The following SH3PXD2B variants were observed in gnomAD, a reference collection of about 807,000 sequenced individuals.
SH3PXD2B encodes SH3 and PX domains 2B.
In SH3PXD2B, 37 loss-of-function variants were observed where a neutral mutation model predicts 73.1. That is an observed-to-expected ratio of 0.51 (90% CI 0.39 to 0.67). The LOEUF is 0.67. Ranked by LOEUF, SH3PXD2B falls within the 30% of genes least tolerant of loss-of-function variation. The pLI, the probability that SH3PXD2B is intolerant of heterozygous loss-of-function variation, is 0.00. For missense variants in SH3PXD2B, 1,053 were observed against 1,197.8 expected, an observed-to-expected ratio of 0.88 and a Z score of 1.78; for synonymous variants, 457 against 480.5, an observed-to-expected ratio of 0.95 and a Z score of 0.64.
At chr5:172,358,689 A>G (rs1757332968) in intron 8 of SH3PXD2B, 84 bp downstream of exon 8, 2 of 1,249,180 alleles carry the variant, frequency 1.6e-6, no homozygotes, top group Non-Finnish European at 2.3e-6. Flanking sequence ...GGCCAAAAGA[A>G]GAGATTGGAT....
At chr5:172,406,811 A>G (rs1303153478) in intron 2 of SH3PXD2B, among the ~76,000 whole-genome samples, 1 of 152,214 alleles carries the variant, frequency 6.6e-6, no homozygotes, top group Admixed American at 6.5e-5. Context: ...GGTCGGCTCA[A>G]CAGATAGCTT....
In SH3PXD2B at chr5:172,404,487, T is replaced by C. The variant is rs566301342; in HGVS notation, c.232+1790A>G. Among the ~76,000 whole-genome samples the C allele has an allele frequency of 7.2e-5, 11 of 152,264 alleles. No individual in the cohort carries two copies. The East Asian group carries it at 1.7e-3, about 24-fold the overall frequency. On this transcript the variant is annotated intron_variant, in intron 3 of 12. Transcript: ENST00000311601. Reference sequence around the variant, plus strand: ...TTATATTTTTAGTAGAGAAGGGGTTTTGCCATGTTGGCCAGCCTGGTCTCA... The same window carrying C: ...TTATATTTTTAGTAGAGAAGGGGTTCTGCCATGTTGGCCAGCCTGGTCTCA...
chr5:172,363,876 T>A (rs1403412961), intron 6 of SH3PXD2B, among the ~76,000 whole-genome samples: 5 of 152,188 alleles, frequency 3.3e-5, no homozygotes, highest in African/African-American at 1.2e-4. Flanking sequence ...AAGAGTTACA[T>A]CTTTAAAAAG....
Position 172,422,419 on chromosome 5 carries a change from G to A in SH3PXD2B, c.153C>T (p.Leu51=). The part of the protein sequence containing the change: ...IYRRYSKFFD[L]QMQMLDKFPM... ...ACCAGAGACCTCAAATCCTTACCTG[G>A]AGGTCAAAAAACTTGCTGTAGCGCC... The change falls in exon 2 of 13, where the codon CTC becomes CTT. Residue 51 remains leucine, a synonymous_variant. Transcript: ENST00000311601. 6.2e-7 allele frequency: 1 copy of A among 1,608,804 alleles called. No homozygotes were observed. Among genetic ancestry groups the A allele is most frequent in the Middle Eastern group, 1.7e-4 (1 of 6,056 alleles).
chr5:172,435,062 G>C lies in SH3PXD2B; in HGVS notation c.76-12566C>G, dbSNP rs558679574. Among the ~76,000 whole-genome samples, 144 of 152,286 alleles carry C rather than the reference G, an allele frequency of 9.5e-4. 2 individuals are homozygous for C. Among genetic ancestry groups the C allele is most frequent in the Non-Finnish European group, 1.4e-3 (93 of 68,024 alleles). On this transcript the variant is annotated intron_variant, in intron 1 of 12. Transcript: ENST00000311601. The stretch of plus-strand genomic sequence containing the variant: ...GGCTTCCCAAAGTGCTGGGATTACA[G>C]ACGTGAGCCACCACACACAGCAGGT...
intron 1 of SH3PXD2B, among the ~76,000 whole-genome samples, chr5:172,452,965 G>A (rs914165443): frequency 9.2e-5 from 14 of 152,158 alleles, no homozygotes; most frequent in African/African-American, 3.4e-4. Context: ...CCTGGCTAAG[G>A]GCTGAATAAC....
At chr5:172,325,973 G>C (rs1384142701) in intron 12 of SH3PXD2B, among the ~76,000 whole-genome samples, 1 of 152,174 alleles carries the variant, frequency 6.6e-6, no homozygotes, top group Non-Finnish European at 1.5e-5. Context: ...TTTTAGTAGA[G>C]ACAGGGTTTC....
At chr5:172,380,896 C>G (rs377319453) in intron 5 of SH3PXD2B, among the ~76,000 whole-genome samples, 3 of 152,342 alleles carry the variant, frequency 2.0e-5, no homozygotes, top group Non-Finnish European at 4.4e-5. Context: ...GTCTACTCAT[C>G]TGTGTGCTAG....
At chr5:172,362,147 A>G (rs1290479460) in intron 7 of SH3PXD2B, among the ~76,000 whole-genome samples, 1 of 152,202 alleles carries the variant, frequency 6.6e-6, no homozygotes, top group Non-Finnish European at 1.5e-5. Context: ...TAATCTTTAC[A>G]ATCACTCTTA....
intron 1 of SH3PXD2B, among the ~76,000 whole-genome samples, chr5:172,449,648 C>A (rs1227034208): frequency 6.6e-6 from 1 of 152,238 alleles, no homozygotes; most frequent in East Asian, 1.9e-4. Context: ...AGCTGCTCAA[C>A]CTCACTGGTG....
chr5:172,425,164 C>A (rs925865922), intron 1 of SH3PXD2B, among the ~76,000 whole-genome samples: 1 of 152,038 alleles, frequency 6.6e-6, no homozygotes, highest in African/African-American at 2.4e-5. Context: ...AGCTTTCCAC[C>A]CTGCTTCACC....
chr5:172,450,906 C>G (rs1004592187), intron 1 of SH3PXD2B, among the ~76,000 whole-genome samples: 8 of 152,212 alleles, frequency 5.3e-5, no homozygotes, highest in Non-Finnish European at 1.0e-4. Context: ...ATCTTCATCT[C>G]CCTGCTTCCA....
chr5:172,346,063 A>C lies in SH3PXD2B; in HGVS notation c.1188+73T>G, dbSNP rs1030056438. 1.9e-6 allele frequency: 3 copies of C among 1,608,882 alleles called. No homozygotes were observed. The Admixed American group carries it at 5.0e-5, about 27-fold the overall frequency. Reference sequence around the variant, plus strand: ...CACCCACCCAGTGAAGTAGGAGGTGACAGGGGAGAAGTAGGAGGTGATGCC... The same window carrying C: ...CACCCACCCAGTGAAGTAGGAGGTGCCAGGGGAGAAGTAGGAGGTGATGCC... On this transcript the variant is annotated intron_variant, in intron 12 of 12. Transcript: ENST00000311601.
chr5:172,414,785 C>T (rs754106019), intron 2 of SH3PXD2B, among the ~76,000 whole-genome samples: 6 of 152,318 alleles, frequency 3.9e-5, no homozygotes, highest in East Asian at 1.9e-4. Context: ...GGCTCCTTCA[C>T]GGGCAGAGTG....
intron 6 of SH3PXD2B, among the ~76,000 whole-genome samples, chr5:172,371,376 G>A (rs964893142): frequency 6.6e-6 from 1 of 152,206 alleles, no homozygotes; most frequent in Non-Finnish European, 1.5e-5. Context: ...ATTAGCCAAA[G>A]TCTGTAGGAG....
intron 1 of SH3PXD2B, among the ~76,000 whole-genome samples, chr5:172,439,006 A>T (rs1350988270): frequency 6.6e-6 from 1 of 151,880 alleles, no homozygotes; most frequent in Non-Finnish European, 1.5e-5. Flanking sequence ...TGGGAGGCCA[A>T]GGCGGGCAGA....
chr5:172,446,046 G>A (rs775257738), intron 1 of SH3PXD2B, among the ~76,000 whole-genome samples: 18 of 152,180 alleles, frequency 1.2e-4, no homozygotes, highest in South Asian at 2.1e-4. Flanking sequence ...GCTGGTTCCC[G>A]TGTCACGTCA....
intron 10 of SH3PXD2B, among the ~76,000 whole-genome samples, chr5:172,348,711 T>TATCTATCTATCTATCTATC (rs1561896964): frequency 1.4e-4 from 5 of 37,004 alleles, no homozygotes; most frequent in Admixed American, 3.7e-4. Flanking sequence ...ATCTATCTAT[T>TATCTATCTATCTATCTATC]TATTTATTTT....
chr5:172,379,313 TAAAAA>T (rs11346663), intron 5 of SH3PXD2B, among the ~76,000 whole-genome samples: 1 of 112,858 alleles, frequency 8.9e-6, no homozygotes. Flanking sequence ...TACAAAAAAT[TAAAAA>T]AAAAAAAAAA....
Sources: gnomAD v4.1 joint callset for allele counts (sites outside exome capture counted in the v4.1 genomes callset) on GRCh38, gnomAD v4.1.1 for gene constraint, MANE v1.5 for transcripts, NCBI Gene and HGNC (gene_info 2026-07-23, HGNC 2026-07-21) for gene names.